Variants in C14orf132 observed in about 807,000 individuals in gnomAD.
C14orf132 encodes chromosome 14 open reading frame 132, also known as uncharacterized protein C14orf132.
A neutral mutation model predicts 5.8 loss-of-function variants in C14orf132; 6 were observed. The observed-to-expected ratio is 1.03, with a 90% CI of 0.57 to 2.04. The LOEUF is 2.04. Among genes scored for constraint, C14orf132 ranks in the 30% most tolerant of loss-of-function variants. The pLI is 0.00. For synonymous variants in C14orf132, 51 were observed against 49.8 expected, an observed-to-expected ratio of 1.02 and a Z score of -0.10; for missense variants, 125 against 115.8, an observed-to-expected ratio of 1.08 and a Z score of -0.37.
chr14:96,060,171 C>A (rs1444947525), intron 1 of C14orf132, among the ~76,000 whole-genome samples: 1 of 152,168 alleles, frequency 6.6e-6, no homozygotes, highest in Non-Finnish European at 1.5e-5. Flanking sequence ...CCCTCCCTAT[C>A]GGCTAGATTG....
intron 1 of C14orf132, among the ~76,000 whole-genome samples, chr14:96,056,330 T>C (rs1566826363): frequency 6.6e-6 from 1 of 151,498 alleles, no homozygotes; most frequent in Middle Eastern, 3.4e-3. Context: ...TGCAAGGGGG[T>C]CAGGGTGGTC....
At chr14:96,049,640 GTATA>G (rs1215535804) in intron 1 of C14orf132, among the ~76,000 whole-genome samples, 2 of 44,578 alleles carry the variant, frequency 4.5e-5, no homozygotes, top group African/African-American at 1.9e-4. Flanking sequence ...ACATATATAC[GTATA>G]TATATATATA....
intron 1 of C14orf132, among the ~76,000 whole-genome samples, chr14:96,082,560 C>T (rs1042909953): frequency 1.3e-4 from 20 of 152,142 alleles, no homozygotes; most frequent in African/African-American, 4.8e-4. Context: ...ATGGATGGAG[C>T]AACAGGGCTG....
intron 1 of C14orf132, chr14:96,040,432 G>A (rs1220099159): frequency 2.5e-6 from 1 of 395,680 alleles, no homozygotes; most frequent in Non-Finnish European, 4.5e-6. Context: ...GGTTATGGTG[G>A]GAGCAGAGAG....
chr14:96,047,585 C>A (rs1318706387), intron 1 of C14orf132, among the ~76,000 whole-genome samples: 2 of 152,336 alleles, frequency 1.3e-5, no homozygotes, highest in Middle Eastern at 3.4e-3. Flanking sequence ...GCAACACACA[C>A]AATCTCACTG....
intron 1 of C14orf132, among the ~76,000 whole-genome samples, chr14:96,044,629 G>A (rs1886785027): frequency 6.6e-6 from 1 of 152,146 alleles, no homozygotes; most frequent in South Asian, 2.1e-4. Flanking sequence ...TGTCAGCAGG[G>A]CCAAAGTAGT....
chr14:96,085,318 A>G (rs1454226637), intron 1 of C14orf132, among the ~76,000 whole-genome samples: 1 of 152,172 alleles, frequency 6.6e-6, no homozygotes, highest in Non-Finnish European at 1.5e-5. Flanking sequence ...GTTCCCTTCA[A>G]AAGAAACATT....
intron 1 of C14orf132, among the ~76,000 whole-genome samples, chr14:96,064,080 G>A (rs546966953): frequency 6.6e-6 from 1 of 152,172 alleles, no homozygotes; most frequent in South Asian, 2.1e-4. Context: ...TGTTGGCAGG[G>A]ATGTGGTGAG....
intron 1 of C14orf132, among the ~76,000 whole-genome samples, chr14:96,071,935 G>A (rs1397650237): frequency 6.6e-6 from 1 of 152,240 alleles, no homozygotes; most frequent in Non-Finnish European, 1.5e-5. Context: ...GCATGCCTGG[G>A]AGAGCCATGT....
chr14:96,051,955 G>A lies in C14orf132; in HGVS notation c.27+12428G>A, dbSNP rs114438265. ...AGCCCCGCCCTCTGGTGGAAGAAGA[G>A]GATAGCTGTCGTAGGTGAATCTTGA... On this transcript the variant is annotated intron_variant, in intron 1 of 1. Coordinates refer to ENST00000555004, the MANE Select transcript of C14orf132 (RefSeq NM_001252507.3). Among the ~76,000 whole-genome samples the A allele has an allele frequency of 5.6e-3, 858 of 152,386 alleles. 8 individuals are homozygous for A. The highest frequency in any genetic ancestry group is 0.02 in the African/African-American group (823 of 41,592).
Position 96,088,989 on chromosome 14 carries a change from A to G in C14orf132, c.*2254A>G, listed in dbSNP as rs1030243963. The G allele has an allele frequency of 4.6e-5, 7 of 152,272 alleles. No homozygotes were observed. Among genetic ancestry groups the G allele is most frequent in the African/African-American group, 1.7e-4 (7 of 41,474 alleles). The allele number at this position is 152,272 out of a possible 1,614,324, so 9.4% of individuals were successfully genotyped here. On this transcript the variant is annotated 3_prime_UTR_variant, in exon 2 of 2. Coordinates refer to ENST00000555004, the MANE Select transcript of C14orf132 (RefSeq NM_001252507.3). ...AGCCTCTCTCCCTTTTCAGTGTCAGAGCAGTAGATGGTCCAGGGCATTGGA... is the reference window on the plus strand; with the variant it reads ...AGCCTCTCTCCCTTTTCAGTGTCAGGGCAGTAGATGGTCCAGGGCATTGGA...
At chr14:96,046,820 A>C (rs1011191881) in intron 1 of C14orf132, among the ~76,000 whole-genome samples, 1 of 152,232 alleles carries the variant, frequency 6.6e-6, no homozygotes, top group Non-Finnish European at 1.5e-5. Context: ...TTTGCATTTT[A>C]ATCATTTTTC....
At chr14:96,048,547 T>C (rs758058780) in intron 1 of C14orf132, among the ~76,000 whole-genome samples, 3 of 152,190 alleles carry the variant, frequency 2.0e-5, no homozygotes, top group Non-Finnish European at 4.4e-5. Flanking sequence ...ATTTTTGAGA[T>C]GGAGTTTCAC....
intron 1 of C14orf132, among the ~76,000 whole-genome samples, chr14:96,071,885 T>C (rs1454528261): frequency 6.6e-6 from 1 of 152,252 alleles, no homozygotes; most frequent in Non-Finnish European, 1.5e-5. Context: ...AAAGGACTTT[T>C]GCTGAAATCA....
At chr14:96,043,042 C>T (rs1345889931) in intron 1 of C14orf132, among the ~76,000 whole-genome samples, 1 of 152,228 alleles carries the variant, frequency 6.6e-6, no homozygotes. Flanking sequence ...AGACAGCCGC[C>T]ATGCATTCCC....
intron 1 of C14orf132, among the ~76,000 whole-genome samples, chr14:96,081,281 G>A (rs1888025161): frequency 1.3e-5 from 2 of 152,150 alleles, no homozygotes; most frequent in Non-Finnish European, 2.9e-5. Flanking sequence ...TTCATCCAGT[G>A]TTAAGAACCT....
Position 96,041,932 on chromosome 14 carries a change from AGGGCT to A in C14orf132, c.27+2414_27+2418del, listed in dbSNP as rs1047453392. ...CTAAGACACAGAGGGGAATGGCTAA[AGGGCT>A]GGGCTGGGTTGAAGAAGGTGCCCAG... On this transcript the variant is annotated intron_variant, in intron 1 of 1. Coordinates refer to ENST00000555004, the MANE Select transcript of C14orf132 (RefSeq NM_001252507.3). Among the ~76,000 whole-genome samples the A allele has an allele frequency of 7.9e-5, 12 of 152,380 alleles. 1 individual carries two copies. The highest frequency in any genetic ancestry group is 3.9e-4 in the East Asian group (2 of 5,194).
chr14:96,091,790 A>C lies in C14orf132; in HGVS notation c.*5055A>C, dbSNP rs1293441020. ...TCACTCACGGAGAGGGATGGAGGAG[A>C]AGGTGGTTGAACTGAGTACTGAGAA... On this transcript the variant is annotated 3_prime_UTR_variant, in exon 2 of 2. Coordinates refer to ENST00000555004, the MANE Select transcript of C14orf132 (RefSeq NM_001252507.3). 1 of 142,210 alleles carries C rather than the reference A, an allele frequency of 7.0e-6. No homozygotes were observed. Among genetic ancestry groups the C allele is most frequent in the Non-Finnish European group, 1.5e-5 (1 of 66,092 alleles). 8.8% of individuals were successfully genotyped at this position (142,210 alleles called of 1,614,324 possible). A position where few individuals can be genotyped will look rare whatever the true frequency, so the allele number is the denominator to read the frequency against.
rs1886631421 is a variant in C14orf132, at chr14:96,039,672, A to T, written c.27+145A>T. 6.1e-6 allele frequency: 5 copies of T among 814,468 alleles called. No individual in the cohort carries two copies. The highest frequency in any genetic ancestry group is 1.8e-5 in the African/African-American group (1 of 55,494). The allele number at this position is 814,468 out of a possible 1,614,324, so 50.5% of individuals were successfully genotyped here. ...CCTTTGTCCCGAGCCGGACACCCCC[A>T]CTTGGTGCACGCGTCGGGGGCGGCG... On this transcript the variant is annotated intron_variant, in intron 1 of 1. Coordinates refer to ENST00000555004, the MANE Select transcript of C14orf132 (RefSeq NM_001252507.3). This position sits in a 1 kb window ranked among gnomAD's most constrained non-coding sequence, Gnocchi z 5.3.
Sources: allele counts gnomAD v4.1 joint callset (sites outside exome capture counted in the v4.1 genomes callset), GRCh38; gene constraint gnomAD v4.1.1; non-coding constraint Gnocchi (gnomAD v3.1); transcripts MANE v1.5; gene names NCBI Gene and HGNC (gene_info 2026-07-23, HGNC 2026-07-21).